The following AGBL1 variants were observed in gnomAD, a reference collection of about 807,000 sequenced individuals.
AGBL1 encodes the protein cytosolic carboxypeptidase 4.
AGBL1 carries 130 observed loss-of-function variants against 118.9 expected under a neutral mutation model. The ratio of observed to expected loss-of-function variants is 1.09; its 90% CI spans 0.95 to 1.26. AGBL1 has a LOEUF of 1.26. Ranked by LOEUF, AGBL1 falls within the 50% of genes most tolerant of loss-of-function variation. The pLI, the probability that AGBL1 is intolerant of heterozygous loss-of-function variation, is 0.00. For synonymous variants in AGBL1, 555 were observed against 478.9 expected (o/e 1.16, Z -2.08); for missense variants, 1,584 against 1,298.1 (o/e 1.22, Z -3.38).
intron 17 of AGBL1, among the ~76,000 whole-genome samples, chr15:86,370,466 G>C (rs1325691857): frequency 1.3e-5 from 2 of 152,048 alleles, no homozygotes; most frequent in Non-Finnish European, 2.9e-5. Context: ...CATCATGACT[G>C]GCTAATGCTT....
chr15:86,726,309 A>G (rs2086817824), intron 22 of AGBL1, among the ~76,000 whole-genome samples: 1 of 152,204 alleles, frequency 6.6e-6, no homozygotes, highest in Non-Finnish European at 1.5e-5. Context: ...TTTAGCAACA[A>G]GAAAGTCAGG....
rs1014623000 is a variant in AGBL1, at chr15:86,285,728, G to T, written c.2220+5945G>T. On this transcript the variant is annotated intron_variant, in intron 16 of 22. Transcript: ENST00000614907. ...GAGAATATTAGGCATTTGTTGATTT[G>T]TAATATTATTGTGGAAAATGTAATA... 1.4e-4 allele frequency among the ~76,000 whole-genome samples: 21 copies of T among 152,122 alleles called. 1 individual carries two copies. The highest frequency in any genetic ancestry group is 2.1e-4 in the Non-Finnish European group (14 of 68,024).
intron 18 of AGBL1, among the ~76,000 whole-genome samples, chr15:86,452,797 C>T (rs939766751): frequency 3.3e-5 from 5 of 152,168 alleles, no homozygotes; most frequent in African/African-American, 1.2e-4. Flanking sequence ...GCCCACTGGC[C>T]TCCTTGCTCT....
chr15:86,763,290 A>T (rs901781229), intron 22 of AGBL1, among the ~76,000 whole-genome samples: 1 of 151,996 alleles, frequency 6.6e-6, no homozygotes, highest in African/African-American at 2.4e-5. Flanking sequence ...AATAGAGAAA[A>T]TGTTTTAGAT....
chr15:86,113,506 G>C (rs980508442), intron 1 of AGBL1, among the ~76,000 whole-genome samples: 1 of 151,662 alleles, frequency 6.6e-6, no homozygotes, highest in Non-Finnish European at 1.5e-5. Context: ...GGCTGGTCTC[G>C]AACTCCTGAC....
At chr15:86,177,269 C>T (rs969562727) in intron 5 of AGBL1, among the ~76,000 whole-genome samples, 5 of 152,060 alleles carry the variant, frequency 3.3e-5, no homozygotes, top group Admixed American at 2.0e-4. Context: ...AAATGTTTAC[C>T]TAATAACAGA....
chr15:87,022,528 T>C (rs920921131), intron 24 of AGBL1, among the ~76,000 whole-genome samples: 1 of 152,094 alleles, frequency 6.6e-6, no homozygotes, highest in African/African-American at 2.4e-5. Flanking sequence ...TTGGAAAATA[T>C]ATTTGGGGGA....
intron 21 of AGBL1, among the ~76,000 whole-genome samples, chr15:86,573,160 T>C (rs1170321847): frequency 6.6e-6 from 1 of 152,242 alleles, no homozygotes; most frequent in Non-Finnish European, 1.5e-5. Context: ...TGGGTTTATG[T>C]ATATACAACT....
chr15:86,825,887 GGATAGATAGATAGATA>G lies in AGBL1; in HGVS notation c.3159-81165_3159-81150del, dbSNP rs61494287. Among the ~76,000 whole-genome samples, 1,127 of 144,220 alleles carry G rather than the reference GGATAGATAGATAGATA, an allele frequency of 7.8e-3. 5 individuals are homozygous for G. The highest frequency in any genetic ancestry group is 0.017 in the African/African-American group (664 of 38,606). 94.6% of individuals were successfully genotyped at this position (144,220 alleles called of 152,430 possible). On this transcript the variant is annotated intron_variant, in intron 22 of 22. Coordinates refer to ENST00000614907, the MANE Select transcript of AGBL1 (RefSeq NM_001386094.1). The stretch of plus-strand genomic sequence containing the variant: ...GAAATGTGACAGATGATAGATGGAT[GGATAGATAGATAGATA>G]GATAGATAGATAGATAGATAGATAG...
chr15:86,682,361 C>G (rs534078303), intron 22 of AGBL1, among the ~76,000 whole-genome samples: 1 of 152,150 alleles, frequency 6.6e-6, no homozygotes, highest in Non-Finnish European at 1.5e-5. Context: ...GTTTCATTAG[C>G]TGTTAAAAGC....
chr15:86,689,963 G>C (rs548711270), intron 22 of AGBL1, among the ~76,000 whole-genome samples: 5 of 152,218 alleles, frequency 3.3e-5, no homozygotes, highest in African/African-American at 1.2e-4. Flanking sequence ...ACCTGCAAAA[G>C]CTCTTATTGC....
chr15:86,372,137 G>A (rs2080980351), intron 17 of AGBL1, among the ~76,000 whole-genome samples: 2 of 152,218 alleles, frequency 1.3e-5, no homozygotes, highest in African/African-American at 4.8e-5. Context: ...GCCTTCATCA[G>A]CATGCCTGGG....
At chr15:86,168,585 C>T (rs949521830) in intron 5 of AGBL1, among the ~76,000 whole-genome samples, 2 of 152,022 alleles carry the variant, frequency 1.3e-5, no homozygotes, top group African/African-American at 4.8e-5. Context: ...ATAGGGAATG[C>T]TTGGTAAAAG....
In AGBL1 at chr15:86,433,277, T is replaced by C. The variant is rs1340352619; in HGVS notation, c.2555+35731T>C. ...TCCTCCTCCTTCTTCTTTTTTTTTT[T>C]TTTTTTTTTTTTTTTTGCCATTGGC... On this transcript the variant is annotated intron_variant, in intron 18 of 22. Transcript: ENST00000614907. Among the ~76,000 whole-genome samples the C allele has an allele frequency of 4.2e-5, 4 of 96,266 alleles. No individual in the cohort carries two copies. The South Asian group carries it at 1.6e-3, about 38-fold the overall frequency. 63.2% of individuals were successfully genotyped at this position (96,266 alleles called of 152,430 possible). A position where few individuals can be genotyped will look rare whatever the true frequency, so the allele number is the denominator to read the frequency against.
At chr15:86,438,657 C>CTTTTTTTTT (rs35937855) in intron 18 of AGBL1, among the ~76,000 whole-genome samples, 3 of 131,622 alleles carry the variant, frequency 2.3e-5, no homozygotes, top group African/African-American at 2.9e-5. Context: ...TAATCTGTCT[C>CTTTTTTTTT]TTTTTTTTTT....
intron 22 of AGBL1, among the ~76,000 whole-genome samples, chr15:86,754,802 G>A (rs939421739): frequency 6.6e-6 from 1 of 152,064 alleles, no homozygotes; most frequent in African/African-American, 2.4e-5. Context: ...CAGAGGCACT[G>A]ACCTTTTAGC....
chr15:86,460,105 C>T (rs1177867471), intron 18 of AGBL1, among the ~76,000 whole-genome samples: 2 of 151,902 alleles, frequency 1.3e-5, no homozygotes, highest in African/African-American at 4.8e-5. Context: ...TTACTTGATA[C>T]TCGGTTCAAT....
At chr15:86,461,773 A>C (rs2082337983) in intron 18 of AGBL1, among the ~76,000 whole-genome samples, 1 of 152,026 alleles carries the variant, frequency 6.6e-6, no homozygotes, top group Non-Finnish European at 1.5e-5. Flanking sequence ...ACTCTATGGT[A>C]CCCTATTTTT....
chr15:86,906,673 C>T (rs756836264), intron 22 of AGBL1, among the ~76,000 whole-genome samples: 9 of 152,174 alleles, frequency 5.9e-5, no homozygotes, highest in Non-Finnish European at 1.0e-4. Context: ...ATGACCTTCT[C>T]TGATTGTTCA....
Sources: gnomAD v4.1 joint callset for allele counts (sites outside exome capture counted in the v4.1 genomes callset) on GRCh38, gnomAD v4.1.1 for gene constraint, MANE v1.5 for transcripts, NCBI Gene and HGNC (gene_info 2026-07-23, HGNC 2026-07-21) for gene names.